Variants in LRRFIP1 observed in about 807,000 individuals in gnomAD.
LRRFIP1 encodes the protein LRR binding FLII interacting protein 1, also known as leucine-rich repeat flightless-interacting protein 1.
LRRFIP1 carries 62 observed loss-of-function variants against 104.4 expected under a neutral mutation model. The ratio of observed to expected loss-of-function variants is 0.59; its 90% CI spans 0.48 to 0.73. LRRFIP1 has a LOEUF of 0.73. Among genes scored for constraint, LRRFIP1 ranks in the 30% least tolerant of loss-of-function variants. The pLI, the probability that LRRFIP1 is intolerant of heterozygous loss-of-function variation, is 0.00. For synonymous variants in LRRFIP1, 300 were observed against 299.0 expected (o/e 1.00, Z -0.03); for missense variants, 796 against 824.5 (o/e 0.97, Z 0.42).
chr2:237,774,386 G>A lies in LRRFIP1; in HGVS notation c.1736G>A (p.Arg579His), dbSNP rs1335327790. 13 of 1,613,478 alleles carry A rather than the reference G, an allele frequency of 8.1e-6. No homozygotes were observed. Among genetic ancestry groups the A allele is most frequent in the Admixed American group, 3.3e-5 (2 of 59,994 alleles). Reference sequence around the variant, plus strand: ...ATAAGGTTAGAGAGTCAAGTATCACGTTACAAATCAGCGGCTGAAAATGCA... The same window carrying A: ...ATAAGGTTAGAGAGTCAAGTATCACATTACAAATCAGCGGCTGAAAATGCA... ...NVIRLESQVS[R>H]YKSAAENAEK... The change falls in exon 23 of 24, where the codon CGT (arginine) becomes CAT (histidine). Residue 579 changes from arginine to histidine, a missense_variant. Coordinates refer to ENST00000308482, the MANE Select transcript of LRRFIP1 (RefSeq NM_001137550.2).
At chr2:237,706,171 A>G (rs1195939276) in intron 1 of LRRFIP1, among the ~76,000 whole-genome samples, 1 of 152,098 alleles carries the variant, frequency 6.6e-6, no homozygotes, top group Non-Finnish European at 1.5e-5. Context: ...GGACCAACCC[A>G]GAATTCCACG....
chr2:237,705,472 G>A (rs2093756883), intron 1 of LRRFIP1, among the ~76,000 whole-genome samples: 1 of 151,988 alleles, frequency 6.6e-6, no homozygotes, highest in African/African-American at 2.4e-5. Flanking sequence ...GACCAGCCTG[G>A]GCAACACGGC....
chr2:237,720,749 G>A (rs374116153), intron 5 of LRRFIP1, 23 bp from the exon 6 acceptor site: 55 of 1,611,300 alleles, frequency 3.4e-5, no homozygotes, highest in Non-Finnish European at 4.7e-5. Context: ...CTTCACGGTT[G>A]TTCTCGTCCT....
chr2:237,723,101 C>CCA (rs2094592127), intron 6 of LRRFIP1, among the ~76,000 whole-genome samples: 2 of 152,060 alleles, frequency 1.3e-5, no homozygotes, highest in Non-Finnish European at 2.9e-5. Flanking sequence ...GTGATTTATA[C>CCA]TACTCTGGAA....
intron 12 of LRRFIP1, among the ~76,000 whole-genome samples, 165 bp downstream of exon 12, chr2:237,748,564 G>C (rs567203394): frequency 1.8e-4 from 27 of 152,180 alleles, no homozygotes; most frequent in Middle Eastern, 3.4e-3. Flanking sequence ...TAGGCCACCG[G>C]GAGTCCTGTC....
In LRRFIP1 at chr2:237,717,627, G is replaced by A. The variant is rs2094390462; in HGVS notation, c.202-135G>A. ...GGAGAAGCCAGGCCTGGTGCCGACT[G>A]CTTTGCCTTGGCGTGTTACCTTCAC... On this transcript the variant is annotated intron_variant, in intron 3 of 23. Transcript: ENST00000308482. This position sits in a 1 kb window ranked among gnomAD's most constrained non-coding sequence, Gnocchi z 4.2. The A allele has an allele frequency of 2.6e-6, 2 of 766,086 alleles. No homozygotes were observed. Among genetic ancestry groups the A allele is most frequent in the South Asian group, 1.4e-5 (1 of 70,418 alleles). The allele number at this position is 766,086 out of a possible 1,614,324, so 47.5% of individuals were successfully genotyped here. A position where few individuals can be genotyped will look rare whatever the true frequency, so the allele number is the denominator to read the frequency against.
At chr2:237,640,930 A>C (rs1268407776) in intron 1 of LRRFIP1, among the ~76,000 whole-genome samples, 1 of 152,178 alleles carries the variant, frequency 6.6e-6, no homozygotes, top group Non-Finnish European at 1.5e-5. Context: ...CTGGGATGGG[A>C]CAGGAAGGGA....
chr2:237,779,466 C>T lies in LRRFIP1; in HGVS notation c.1857C>T (p.Asn619=), dbSNP rs368929531. ...LDKTEELEVS[N]GHLVKRLEKM... is the part of the protein sequence containing the mutation. ...AAACAGAAGAGCTCGAGGTGAGCAA[C>T]GGCCACTTAGTGAAGCGTCTGGAAA... Residue 619 remains asparagine, a synonymous_variant, in exon 24 of 24, where the codon AAC becomes AAT. Transcript: ENST00000308482. 74 of 1,613,714 alleles carry T rather than the reference C, an allele frequency of 4.6e-5. No individual in the cohort carries two copies. Among genetic ancestry groups the T allele is most frequent in the Non-Finnish European group, 5.2e-5 (61 of 1,179,746 alleles).
Position 237,717,851 on chromosome 2 carries a change from A to T in LRRFIP1, c.249+42A>T, listed in dbSNP as rs2094398707. ...ATTTTGTTTTTACTCTTCCCTCCCC[A>T]CTTGAATACAGTGTTGAGACTTAAA... On this transcript the variant is annotated intron_variant, in intron 4 of 23. Transcript: ENST00000308482. The surrounding 1 kb of genome is among the most constrained non-coding windows in gnomAD (Gnocchi z 4.2). 1 of 1,417,926 alleles carries T rather than the reference A, an allele frequency of 7.1e-7. No homozygotes were observed. The highest frequency in any genetic ancestry group is 1.7e-5 in the Admixed American group (1 of 59,762). The allele number at this position is 1,417,926 out of a possible 1,614,324, so 87.8% of individuals were successfully genotyped here.
rs949596139 is a variant in LRRFIP1, at chr2:237,717,035, T to G, written c.202-727T>G. ...TTTTTTGCAATTTTTTTTTTTTAGC[T>G]TATCAGCTATCGTTAGTGTAGTTTA... On this transcript the variant is annotated intron_variant, in intron 3 of 23. Transcript: ENST00000308482. This position sits in a 1 kb window ranked among gnomAD's most constrained non-coding sequence, Gnocchi z 4.2. Among the ~76,000 whole-genome samples, 1 of 152,168 alleles carries G rather than the reference T, an allele frequency of 6.6e-6. No homozygotes were observed. The highest frequency in any genetic ancestry group is 1.5e-5 in the Non-Finnish European group (1 of 68,020).
chr2:237,635,263 T>G (rs2082920250), intron 1 of LRRFIP1, among the ~76,000 whole-genome samples: 1 of 152,240 alleles, frequency 6.6e-6, no homozygotes, highest in Non-Finnish European at 1.5e-5. Flanking sequence ...AATGATGAAC[T>G]CTGTGTCTTC....
At chr2:237,746,214 A>C (rs2057833602) in intron 11 of LRRFIP1, among the ~76,000 whole-genome samples, 1 of 151,964 alleles carries the variant, frequency 6.6e-6, no homozygotes, top group Non-Finnish European at 1.5e-5. Flanking sequence ...GCATGTCACC[A>C]CACACAGCTA....
intron 1 of LRRFIP1, among the ~76,000 whole-genome samples, chr2:237,657,517 G>A (rs1439522089): frequency 1.3e-5 from 2 of 152,014 alleles, no homozygotes; most frequent in African/African-American, 4.8e-5. Context: ...AACAAATCAA[G>A]ATCAAATGGG....
Position 237,739,269 on chromosome 2 carries a change from G to GC in LRRFIP1, c.594dup (p.Ala199ArgfsTer24). The stretch of plus-strand genomic sequence containing the variant: ...AGCGGCCACCTCAACTCCAGCTCCC[G>GC]CGCCTCCTCCAGGGCCAGCTCGGCC... On this transcript the variant is annotated frameshift_variant, in exon 11 of 24. Transcript: ENST00000308482. LOFTEE classifies it high-confidence loss of function. 6.4e-7 allele frequency: 1 copy of GC among 1,565,480 alleles called. No homozygotes were observed. Among genetic ancestry groups the GC allele is most frequent in the South Asian group, 1.2e-5 (1 of 85,066 alleles).
At chr2:237,674,961 A>G (rs1328941264) in intron 1 of LRRFIP1, among the ~76,000 whole-genome samples, 1 of 152,196 alleles carries the variant, frequency 6.6e-6, no homozygotes, top group East Asian at 1.9e-4. Context: ...CCCTGCCCCC[A>G]GAGAGAGCCT....
At chr2:237,659,823 G>C (rs2087529545) in intron 1 of LRRFIP1, among the ~76,000 whole-genome samples, 1 of 151,738 alleles carries the variant, frequency 6.6e-6, no homozygotes, top group African/African-American at 2.4e-5. Flanking sequence ...CTTTTTTGTA[G>C]AGATGGGGTC....
chr2:237,735,339 G>A lies in LRRFIP1; in HGVS notation c.555+6G>A. 6.2e-7 allele frequency: 1 copy of A among 1,612,490 alleles called. No individual in the cohort carries two copies. Among genetic ancestry groups the A allele is most frequent in the South Asian group, 1.1e-5 (1 of 90,998 alleles). ...GCACCTCCGGCTCCCGTGCTGTAAGGCGCTTTCGGTGATACCTCCTTTCCC... is the reference window on the plus strand; with the variant it reads ...GCACCTCCGGCTCCCGTGCTGTAAGACGCTTTCGGTGATACCTCCTTTCCC... On this transcript the variant is annotated splice_donor_region_variant and intron_variant, in intron 10 of 23. Coordinates refer to ENST00000308482, the MANE Select transcript of LRRFIP1 (RefSeq NM_001137550.2). The surrounding 1 kb of genome is among the most constrained non-coding windows in gnomAD (Gnocchi z 4.6).
intron 8 of LRRFIP1, among the ~76,000 whole-genome samples, chr2:237,731,038 C>T (rs890163604): frequency 6.6e-5 from 10 of 152,214 alleles, no homozygotes; most frequent in Non-Finnish European, 1.3e-4. Flanking sequence ...GAGCAGAGGC[C>T]GCGCAGAATG....
At chr2:237,658,708 A>G (rs192419246) in intron 1 of LRRFIP1, among the ~76,000 whole-genome samples, 72 of 152,254 alleles carry the variant, frequency 4.7e-4, no homozygotes, top group African/African-American at 1.7e-3. Flanking sequence ...AGGAGGAAGA[A>G]CCCCTTATAA....
Sources: gnomAD v4.1 joint callset for allele counts (sites outside exome capture counted in the v4.1 genomes callset) on GRCh38, gnomAD v4.1.1 for gene constraint, Gnocchi (gnomAD v3.1) non-coding constraint, MANE v1.5 for transcripts, NCBI Gene and HGNC (gene_info 2026-07-23, HGNC 2026-07-21) for gene names.